The following BCAN variants were observed in gnomAD, a reference collection of about 807,000 sequenced individuals.
The protein encoded by BCAN is brevican core protein.
BCAN carries 51 observed loss-of-function variants against 92.4 expected under a neutral mutation model. The ratio of observed to expected loss-of-function variants is 0.55; its 90% confidence interval spans 0.44 to 0.70. The LOEUF (loss-of-function observed/expected upper bound fraction) is 0.70, where lower values mean the gene tolerates loss of function less well. Ranked by LOEUF, BCAN falls within the 30% of genes least tolerant of loss-of-function variation. BCAN has a pLI of 0.00. For synonymous variants in BCAN, 501 were observed against 505.2 expected (o/e 0.99, Z 0.11); for missense variants, 1,140 against 1,212.1 (o/e 0.94, Z 0.88).
At chr1:156,657,438 C>T in intron 10 of BCAN, 1 of 552,212 alleles carries the variant, frequency 1.8e-6, no homozygotes, top group East Asian at 3.1e-5. Flanking sequence ...AAAGTTTTGA[C>T]TCTTTTTCCA....
chr1:156,647,373 C>T lies in BCAN; in HGVS notation c.467-135C>T. On this transcript the variant is annotated intron_variant, in intron 3 of 13. Coordinates refer to ENST00000329117, the MANE Select transcript of BCAN (RefSeq NM_021948.5). The surrounding 1 kb of genome is among the most constrained non-coding windows in gnomAD (Gnocchi z 4.8). ...GGAGGACATTCTACCCACAATCTAA[C>T]TTAAGTCCCTCATGCTGTAGAGTGA... 1 of 1,135,188 alleles carries T rather than the reference C, an allele frequency of 8.8e-7. No homozygotes were observed. The allele number at this position is 1,135,188 out of a possible 1,614,324, so 70.3% of individuals were successfully genotyped here.
In BCAN at chr1:156,658,350, CAG is replaced by C. The variant is rs1158070790; in HGVS notation, c.2437+84_2437+85del. The C allele has an allele frequency of 6.4e-6, 10 of 1,561,476 alleles. No individual in the cohort carries two copies. Among genetic ancestry groups the C allele is most frequent in the African/African-American group, 1.4e-5 (1 of 73,882 alleles). The stretch of plus-strand genomic sequence containing the variant: ...GACCAGAGGGACTGATGTTTGTAGA[CAG>C]AGAGTGCAAAGCAACATAGAGGAGT... On this transcript the variant is annotated intron_variant, in intron 12 of 13. Transcript: ENST00000329117. The surrounding 1 kb of genome is among the most constrained non-coding windows in gnomAD (Gnocchi z 4.4).
At chr1:156,651,732 A>C in intron 7 of BCAN, 43 bp downstream of exon 7, 12 of 1,534,716 alleles carry the variant, frequency 7.8e-6, no homozygotes, top group Non-Finnish European at 9.7e-6. Flanking sequence ...GATTGAAAGA[A>C]GTTGGGGGCA....
At chr1:156,651,350 A>T in intron 6 of BCAN, 106 bp from the exon 7 acceptor site, 1 of 1,079,060 alleles carries the variant, frequency 9.3e-7, no homozygotes, top group Non-Finnish European at 1.4e-6. Context: ...TAGGTGCTCC[A>T]CAGGGAAGAT....
Position 156,651,685 on chromosome 1 carries a change from C to T in BCAN, c.1293C>T (p.Leu431=). The change falls in exon 7 of 14, where the codon CTC becomes CTT. Residue 431 remains leucine, a synonymous_variant. Transcript: ENST00000329117. ...ACCCAGCAGAGGCCCCTAGGACGCT[C>T]CTAGGTAAGTCGGATCCCTTATCCT... ...PEDPAEAPRT[L]LEFETQSMVP... 6.2e-7 allele frequency: 1 copy of T among 1,606,226 alleles called. No individual in the cohort carries two copies.
Position 156,646,953 on chromosome 1 carries a change from C to G in BCAN, c.244C>G (p.Leu82Val), listed in dbSNP as rs750929000. The G allele has an allele frequency of 6.2e-7, 1 of 1,612,836 alleles. No individual in the cohort carries two copies. The highest frequency in any genetic ancestry group is 8.5e-7 in the Non-Finnish European group (1 of 1,179,600). ...LGSPRVKWTF[L>V]SRGREAEVLV... is the part of the protein sequence containing the mutation. ...CTCTCCGCGGGTCAAGTGGACTTTC[C>G]TGTCCCGGGGCCGGGAGGCAGAGGT... Residue 82 changes from leucine (L) to valine (V), a missense_variant, in exon 3 of 14, where the codon CTG (leucine) becomes GTG (valine). Transcript: ENST00000329117.
chr1:156,652,331 G>C lies in BCAN; in HGVS notation c.1381G>C (p.Asp461His). 1 of 1,614,080 alleles carries C rather than the reference G, an allele frequency of 6.2e-7. No individual in the cohort carries two copies. Among genetic ancestry groups the C allele is most frequent in the Non-Finnish European group, 8.5e-7 (1 of 1,179,952 alleles). ...ATTGGAGGAAGAAGAGAAATATGAA[G>C]ATGAAGAAGAGAAAGAGGAGGAAGA... ...KALEEEEKYEDEEEKEEEEEE... is the reference protein window; with the variant it reads ...KALEEEEKYEHEEEKEEEEEE... The change falls in exon 8 of 14, where the codon GAT becomes CAT. Residue 461 changes from aspartate (D) to histidine (H), a missense_variant. By Grantham distance (81) the Asp-to-His change is moderately conservative (BLOSUM62 -1). Around this residue, in one of 3 missense-constraint regions of BCAN, gnomAD observed 825 missense variants for 871.8 expected, o/e 0.95. Coordinates refer to ENST00000329117, the MANE Select transcript of BCAN (RefSeq NM_021948.5).
In BCAN at chr1:156,647,783, G is replaced by A. The variant is rs905358441; in HGVS notation, c.641+101G>A. 5.8e-6 allele frequency: 9 copies of A among 1,547,916 alleles called. 1 individual carries two copies. In the Admixed American group the frequency reaches 6.8e-5, roughly 12 times the overall value. ...TGCTGTGTCAGGCTGGACATGCAGGGCTTTTTGCCTCTGGGGGATGAGGCT... is the reference window on the plus strand; with the variant it reads ...TGCTGTGTCAGGCTGGACATGCAGGACTTTTTGCCTCTGGGGGATGAGGCT... On this transcript the variant is annotated intron_variant, in intron 4 of 13. Coordinates refer to ENST00000329117, the MANE Select transcript of BCAN (RefSeq NM_021948.5). This position sits in a 1 kb window ranked among gnomAD's most constrained non-coding sequence, Gnocchi z 4.8.
Position 156,646,203 on chromosome 1 carries a change from T to C in BCAN, c.91+58T>C, listed in dbSNP as rs1328911210. ...TCTTGTTCAGCCCTAACCAACTGCT[T>C]CCAGGCTTAGGGGCCCCAGGAAGAG... On this transcript the variant is annotated intron_variant, in intron 2 of 13. Coordinates refer to ENST00000329117, the MANE Select transcript of BCAN (RefSeq NM_021948.5). The C allele has an allele frequency of 3.2e-6, 5 of 1,538,468 alleles. No homozygotes were observed. The African/African-American group carries it at 6.8e-5, about 21-fold the overall frequency.
chr1:156,656,241 G>A, intron 8 of BCAN, 41 bp from the exon 9 acceptor site: 3 of 1,395,218 alleles, frequency 2.2e-6, no homozygotes, highest in South Asian at 1.8e-5. Flanking sequence ...GCAGAGTGCG[G>A]CTGCCTCGCT....
chr1:156,646,247 G>A (rs190988136), intron 2 of BCAN, 102 bp downstream of exon 2: 1 of 1,120,548 alleles, frequency 8.9e-7, no homozygotes, highest in African/African-American at 1.6e-5. Flanking sequence ...GGAGGGCTGT[G>A]GGGAAGCGTC....
chr1:156,652,430 T>A lies in BCAN; in HGVS notation c.1480T>A (p.Ser494Thr). Reference sequence around the variant, plus strand: ...GCTCAGCAGCCCGGGCCCTGAGGCCTCTCTCCCCACTGAGCCAGCAGCCCA... The same window carrying A: ...GCTCAGCAGCCCGGGCCCTGAGGCCACTCTCCCCACTGAGCCAGCAGCCCA... ...SELSSPGPEASLPTEPAAQEE... is the reference protein window; with the variant it reads ...SELSSPGPEATLPTEPAAQEE... The change falls in exon 8 of 14, where the codon TCT becomes ACT. Residue 494 changes from serine to threonine, a missense_variant. Transcript: ENST00000329117. The A allele has an allele frequency of 6.2e-7, 1 of 1,604,416 alleles. No individual in the cohort carries two copies. The highest frequency in any genetic ancestry group is 8.5e-7 in the Non-Finnish European group (1 of 1,175,156).
chr1:156,653,337 C>T (rs1679238796), intron 8 of BCAN: 1 of 1,052,272 alleles, frequency 9.5e-7, no homozygotes, highest in Non-Finnish European at 1.1e-6. Flanking sequence ...TCCCTTCTCA[C>T]CCCTCAACCT....
chr1:156,653,263 C>T, intron 8 of BCAN: 5 of 1,184,088 alleles, frequency 4.2e-6, no homozygotes, highest in East Asian at 4.0e-5. Flanking sequence ...TCCACTACTC[C>T]CTTCATCCGC....
chr1:156,644,911 T>G (rs1678910812), intron 1 of BCAN: 1 of 152,268 alleles, frequency 6.6e-6, no homozygotes, highest in Non-Finnish European at 1.5e-5. Context: ...CTCCATGCTC[T>G]TCTAAGTTTA....
At chr1:156,656,710 C>A (rs1041758782) in intron 9 of BCAN, 1 of 591,000 alleles carries the variant, frequency 1.7e-6, no homozygotes, top group Admixed American at 3.0e-5. Flanking sequence ...GGAACTCCAT[C>A]CCTCACCCTG....
intron 7 of BCAN, 36 bp downstream of exon 7, chr1:156,651,725 T>G (rs547992858): frequency 6.5e-7 from 1 of 1,550,360 alleles, no homozygotes; most frequent in Admixed American, 1.8e-5. Flanking sequence ...ATGTCTTGAT[T>G]GAAAGAAGTT....
rs777039177 is a variant in BCAN at position 156,647,474 on chromosome 1, C to A, written c.467-34C>A. ...TGAGGGGAGGCCAGCGTGCTGGGTG[C>A]TCACCTGGCTCAGGGGTCCTCTCTG... On this transcript the variant is annotated intron_variant, in intron 3 of 13. Transcript: ENST00000329117. The surrounding 1 kb of genome is among the most constrained non-coding windows in gnomAD (Gnocchi z 4.8). The A allele has an allele frequency of 5.9e-6, 9 of 1,522,886 alleles. No homozygotes were observed. The East Asian group carries it at 1.8e-4, about 31-fold the overall frequency. 94.3% of individuals were successfully genotyped at this position (1,522,886 alleles called of 1,614,324 possible).
chr1:156,652,114 C>T (rs926955431), intron 7 of BCAN, 134 bp from the exon 8 acceptor site: 1 of 1,218,008 alleles, frequency 8.2e-7, no homozygotes, highest in Non-Finnish European at 1.1e-6. Flanking sequence ...CAAGGACCAC[C>T]TGTCCTCAGG....
Sources: allele counts gnomAD v4.1 joint callset, GRCh38; gene constraint gnomAD v4.1.1; regional missense constraint gnomAD v4.1.1; non-coding constraint Gnocchi (gnomAD v3.1); transcripts MANE v1.5; gene names NCBI Gene and HGNC (gene_info 2026-07-23, HGNC 2026-07-21).